The following RNGTT variants were observed in gnomAD, a reference collection of about 807,000 sequenced individuals.
RNGTT encodes RNA guanylyltransferase and 5'-phosphatase.
In RNGTT, 33 loss-of-function variants were observed where a neutral mutation model predicts 79.3. The ratio of observed to expected loss-of-function variants is 0.42; its 90% CI spans 0.32 to 0.56. RNGTT has a LOEUF of 0.56. RNGTT is among the 20% of genes least tolerant of loss of function. The probability of loss-of-function intolerance (pLI) is 0.17; values close to 1 mark genes in which losing one functional copy is unlikely to be tolerated. For synonymous variants in RNGTT, 222 were observed against 235.9 expected, an observed-to-expected ratio of 0.94 and a Z score of 0.54; for missense variants, 497 against 739.1, an observed-to-expected ratio of 0.67 and a Z score of 3.80.
chr6:88,955,026 C>T (rs543769455), intron 1 of RNGTT, among the ~76,000 whole-genome samples: 69 of 151,908 alleles, frequency 4.5e-4, no homozygotes, highest in Non-Finnish European at 9.4e-4. Flanking sequence ...CCATTGCATT[C>T]CAGCCTGGGT....
chr6:88,670,779 A>G (rs1774606642), intron 14 of RNGTT, among the ~76,000 whole-genome samples: 1 of 152,094 alleles, frequency 6.6e-6, no homozygotes, highest in Admixed American at 6.6e-5. Flanking sequence ...ATGTATCATG[A>G]CCCTTTCACG....
chr6:88,662,377 T>C (rs977996862), intron 14 of RNGTT, among the ~76,000 whole-genome samples: 8 of 152,330 alleles, frequency 5.3e-5, no homozygotes, highest in Non-Finnish European at 8.8e-5. Flanking sequence ...CACTGATGCA[T>C]GTAGCTCTCA....
intron 14 of RNGTT, among the ~76,000 whole-genome samples, chr6:88,636,168 G>A (rs1773092358): frequency 1.3e-5 from 2 of 151,800 alleles, no homozygotes; most frequent in South Asian, 4.2e-4. Flanking sequence ...GAGCAGGAAG[G>A]CCCACCCCTG....
At chr6:88,829,224 A>C (rs1260911315) in intron 11 of RNGTT, among the ~76,000 whole-genome samples, 1 of 151,850 alleles carries the variant, frequency 6.6e-6, no homozygotes, top group Non-Finnish European at 1.5e-5. Flanking sequence ...GAGAGATTCA[A>C]CATTCTTAAA....
intron 14 of RNGTT, among the ~76,000 whole-genome samples, chr6:88,664,586 G>A (rs1426160004): frequency 1.3e-5 from 2 of 152,186 alleles, no homozygotes; most frequent in Non-Finnish European, 2.9e-5. Context: ...ACAAGGGAAT[G>A]GGGGCTCCAG....
intron 8 of RNGTT, among the ~76,000 whole-genome samples, chr6:88,879,109 T>A (rs1782610052): frequency 6.6e-6 from 1 of 152,026 alleles, no homozygotes; most frequent in Non-Finnish European, 1.5e-5. Context: ...TATAAAAACC[T>A]TTAGAGACCA....
chr6:88,836,019 CACACATAT>C lies in RNGTT; in HGVS notation c.1269+8330_1269+8337del, dbSNP rs1261796603. ...ACACACACACACACACACACACACA[CACACATAT>C]ATATATAAGATTTACATATATATAT... On this transcript the variant is annotated intron_variant, in intron 11 of 15. Transcript: ENST00000369485. 1.6e-3 allele frequency among the ~76,000 whole-genome samples: 181 copies of C among 114,436 alleles called. 2 individuals are homozygous for C. Among genetic ancestry groups the C allele is most frequent in the African/African-American group, 5.8e-3 (169 of 29,268 alleles). 75.1% of individuals were successfully genotyped at this position (114,436 alleles called of 152,430 possible). A position where few individuals can be genotyped will look rare whatever the true frequency, so the allele number is the denominator to read the frequency against.
intron 14 of RNGTT, among the ~76,000 whole-genome samples, chr6:88,642,626 T>C (rs912003497): frequency 1.3e-5 from 2 of 152,078 alleles, no homozygotes; most frequent in Non-Finnish European, 2.9e-5. Flanking sequence ...AAGGGTGGGG[T>C]TGGAAAGGCA....
chr6:88,632,540 CACAG>C (rs57919335), intron 14 of RNGTT, among the ~76,000 whole-genome samples: 2,343 of 92,692 alleles, frequency 0.025, 38 homozygotes, highest in African/African-American at 0.09. Flanking sequence ...CACACAGACA[CACAG>C]ACACACACAC....
At chr6:88,715,898 A>C (rs1011157028) in intron 13 of RNGTT, among the ~76,000 whole-genome samples, 2 of 152,210 alleles carry the variant, frequency 1.3e-5, no homozygotes, top group African/African-American at 2.4e-5. Context: ...TTCAGGACAT[A>C]GGCATGGGCA....
intron 13 of RNGTT, among the ~76,000 whole-genome samples, chr6:88,742,253 T>A (rs1582406488): frequency 6.6e-6 from 1 of 152,190 alleles, no homozygotes; most frequent in Non-Finnish European, 1.5e-5. Context: ...GGAAGGTCAA[T>A]AGCCCAAAGA....
At chr6:88,803,254 T>C (rs957717040) in intron 11 of RNGTT, among the ~76,000 whole-genome samples, 3 of 151,426 alleles carry the variant, frequency 2.0e-5, no homozygotes, top group Non-Finnish European at 4.4e-5. Flanking sequence ...GCTTGGGGGG[T>C]AGTCTTTAAT....
At chr6:88,823,084 T>G (rs1780544956) in intron 11 of RNGTT, among the ~76,000 whole-genome samples, 2 of 152,150 alleles carry the variant, frequency 1.3e-5, no homozygotes, top group African/African-American at 4.8e-5. Flanking sequence ...AGAAAAATAA[T>G]TCATAAATCA....
chr6:88,933,537 G>C (rs1374862962), intron 2 of RNGTT, among the ~76,000 whole-genome samples: 1 of 151,678 alleles, frequency 6.6e-6, no homozygotes, highest in Non-Finnish European at 1.5e-5. Flanking sequence ...CTGGAATGTA[G>C]TAGCACAATC....
intron 1 of RNGTT, among the ~76,000 whole-genome samples, chr6:88,953,991 A>C (rs1290535688): frequency 1.3e-5 from 2 of 152,262 alleles, no homozygotes; most frequent in Non-Finnish European, 2.9e-5. Context: ...CTAAACCTTG[A>C]AATAAAACCT....
chr6:88,804,125 G>A (rs900113738), intron 11 of RNGTT, among the ~76,000 whole-genome samples: 3 of 152,098 alleles, frequency 2.0e-5, no homozygotes, highest in Non-Finnish European at 4.4e-5. Flanking sequence ...GTATTCTCAA[G>A]TTTTGAATTA....
intron 8 of RNGTT, among the ~76,000 whole-genome samples, chr6:88,872,407 T>C (rs1268065855): frequency 1.3e-5 from 2 of 151,862 alleles, no homozygotes; most frequent in African/African-American, 4.8e-5. Context: ...TGAACCATAA[T>C]CACCCAGCTT....
At chr6:88,658,367 G>A (rs925753261) in intron 14 of RNGTT, among the ~76,000 whole-genome samples, 12 of 152,280 alleles carry the variant, frequency 7.9e-5, no homozygotes, top group African/African-American at 1.9e-4. Flanking sequence ...CACCTTCACC[G>A]GGGCAGGTGC....
chr6:88,836,836 G>C (rs1781097132), intron 11 of RNGTT, among the ~76,000 whole-genome samples: 1 of 152,026 alleles, frequency 6.6e-6, no homozygotes, highest in Non-Finnish European at 1.5e-5. Context: ...AAATTAAATA[G>C]CTATCACATT....
Sources: gnomAD v4.1 joint callset for allele counts (sites outside exome capture counted in the v4.1 genomes callset) on GRCh38, gnomAD v4.1.1 for gene constraint, MANE v1.5 for transcripts, NCBI Gene and HGNC (gene_info 2026-07-23, HGNC 2026-07-21) for gene names.